The following SNX29 variants were observed in gnomAD, a reference collection of about 807,000 sequenced individuals.
SNX29 encodes the protein sorting nexin 29.
SNX29 carries 78 observed loss-of-function variants against 102.1 expected under a neutral mutation model. That is an observed-to-expected ratio of 0.76 (90% CI 0.64 to 0.92). SNX29 has a LOEUF of 0.92. Among genes scored for constraint, SNX29 ranks in the 40% least tolerant of loss-of-function variants. The pLI, the probability that SNX29 is intolerant of heterozygous loss-of-function variation, is 0.00. For synonymous variants in SNX29, 580 were observed against 414.5 expected (o/e 1.40, Z -4.85); for missense variants, 1,280 against 1,061.7 (o/e 1.21, Z -2.86).
At chr16:12,293,116 T>A (rs1217053425) in intron 15 of SNX29, among the ~76,000 whole-genome samples, 1 of 152,244 alleles carries the variant, frequency 6.6e-6, no homozygotes, top group Non-Finnish European at 1.5e-5. Flanking sequence ...ACTATACATA[T>A]ATTTTCAAAG....
intron 15 of SNX29, among the ~76,000 whole-genome samples, chr16:12,330,775 G>T (rs209835): frequency 0.4 from 60,293 of 152,062 alleles, 13,715 homozygotes; most frequent in Non-Finnish European, 0.54. Context: ...TTTAGGCCTG[G>T]ATTCTATTTG....
intron 19 of SNX29, among the ~76,000 whole-genome samples, chr16:12,501,106 C>T (rs534480096): frequency 6.6e-6 from 1 of 152,168 alleles, no homozygotes; most frequent in South Asian, 2.1e-4. Context: ...ATGGGCTCTT[C>T]ATTCAGATTT....
intron 20 of SNX29, among the ~76,000 whole-genome samples, chr16:12,533,102 A>G (rs945144290): frequency 2.0e-5 from 3 of 152,188 alleles, no homozygotes; most frequent in African/African-American, 7.2e-5. Flanking sequence ...CCGGGGAGGG[A>G]CAGGTTCAAC....
intron 1 of SNX29, among the ~76,000 whole-genome samples, 177 bp from the exon 2 acceptor site, chr16:11,999,120 G>T (rs775898104): frequency 6.6e-6 from 1 of 152,192 alleles, no homozygotes; most frequent in Non-Finnish European, 1.5e-5. Context: ...AATTAGTTTA[G>T]CTGTTTTCCT....
chr16:12,117,185 C>T (rs971813159), intron 11 of SNX29, among the ~76,000 whole-genome samples: 2 of 145,608 alleles, frequency 1.4e-5, no homozygotes, highest in Non-Finnish European at 3.0e-5. Context: ...ACGGTCAATA[C>T]GTGCTTCAAC....
chr16:12,394,846 C>T (rs964921068), intron 16 of SNX29, among the ~76,000 whole-genome samples: 1 of 152,182 alleles, frequency 6.6e-6, no homozygotes, highest in Non-Finnish European at 1.5e-5. Flanking sequence ...CCCATGAAAT[C>T]GGAAGCACAC....
intron 11 of SNX29, among the ~76,000 whole-genome samples, chr16:12,106,009 G>A (rs1204449305): frequency 6.6e-6 from 1 of 152,190 alleles, no homozygotes; most frequent in Non-Finnish European, 1.5e-5. Flanking sequence ...ATAAGCCTCA[G>A]CCGTGGCTCC....
At chr16:12,554,249 G>A (rs565089619) in intron 20 of SNX29, among the ~76,000 whole-genome samples, 213 of 152,316 alleles carry the variant, frequency 1.4e-3, no homozygotes, top group Non-Finnish European at 8.1e-4. Flanking sequence ...CGGCTGCATC[G>A]TCTCTGCCTT....
chr16:12,009,193 G>T (rs1042296599), intron 3 of SNX29, among the ~76,000 whole-genome samples: 15 of 152,060 alleles, frequency 9.9e-5, no homozygotes, highest in African/African-American at 3.6e-4. Flanking sequence ...AGACAAATAA[G>T]TAAATAATAG....
chr16:12,450,715 G>C (rs1368193982), intron 18 of SNX29, among the ~76,000 whole-genome samples: 1 of 152,218 alleles, frequency 6.6e-6, no homozygotes, highest in African/African-American at 2.4e-5. Context: ...TTGCTGAAGA[G>C]CTTGGGCATT....
Position 12,563,844 on chromosome 16 carries a change from C to T in SNX29, c.2319-4662C>T, listed in dbSNP as rs565873161. 2.0e-4 allele frequency among the ~76,000 whole-genome samples: 31 copies of T among 152,340 alleles called. 1 individual carries two copies. The highest frequency in any genetic ancestry group is 1.9e-3 in the South Asian group (9 of 4,830). ...ATTTATTCAGGCTGCCTGTAAATAT[C>T]CCTGCTGAATAGCCATCTCTCCCCA... On this transcript the variant is annotated intron_variant, in intron 20 of 20. Coordinates refer to ENST00000566228, the MANE Select transcript of SNX29 (RefSeq NM_032167.5).
At chr16:12,512,713 C>T (rs1055907721) in intron 19 of SNX29, among the ~76,000 whole-genome samples, 4 of 152,032 alleles carry the variant, frequency 2.6e-5, no homozygotes, top group African/African-American at 4.8e-5. Context: ...ATAGACCGTC[C>T]GTGCTTTCAG....
At chr16:12,275,848 A>G (rs913568676) in intron 14 of SNX29, among the ~76,000 whole-genome samples, 8 of 142,016 alleles carry the variant, frequency 5.6e-5, no homozygotes, top group Non-Finnish European at 1.1e-4. Flanking sequence ...TACTTACCAT[A>G]TTCATCATCA....
intron 20 of SNX29, among the ~76,000 whole-genome samples, chr16:12,553,042 C>T (rs1368777426): frequency 6.6e-6 from 1 of 152,218 alleles, no homozygotes; most frequent in Admixed American, 6.5e-5. Context: ...GCTGGGGACA[C>T]TAATTGGAGA....
chr16:12,396,941 C>G (rs1367710042), intron 16 of SNX29, among the ~76,000 whole-genome samples: 2 of 152,230 alleles, frequency 1.3e-5, no homozygotes, highest in South Asian at 2.1e-4. Flanking sequence ...GGGTCATGCT[C>G]TGTCACCCAG....
At position 12,569,861 on chromosome 16, in the gene SNX29, G is replaced by C; in HGVS notation, c.*1232G>C. 1 of 231,248 alleles carries C rather than the reference G, an allele frequency of 4.3e-6. No individual in the cohort carries two copies. The highest frequency in any genetic ancestry group is 8.6e-6 in the Non-Finnish European group (1 of 116,776). 14.3% of individuals were successfully genotyped at this position (231,248 alleles called of 1,614,324 possible). On this transcript the variant is annotated 3_prime_UTR_variant, in exon 21 of 21. Transcript: ENST00000566228. ...CTAACTAGGAAGGATGTCGTGAAAT[G>C]GACTATGCAAGAGTAAGTTTGTGTG...
chr16:12,558,176 C>T (rs890076591), intron 20 of SNX29, among the ~76,000 whole-genome samples: 6 of 152,154 alleles, frequency 3.9e-5, no homozygotes, highest in East Asian at 3.9e-4. Flanking sequence ...TAATGCATCT[C>T]AGTTTTTAAT....
chr16:12,429,248 A>G (rs916869276), intron 18 of SNX29, among the ~76,000 whole-genome samples: 1 of 152,246 alleles, frequency 6.6e-6, no homozygotes, highest in East Asian at 1.9e-4. Flanking sequence ...TATGATTACA[A>G]TTAATATCTC....
intron 20 of SNX29, among the ~76,000 whole-genome samples, chr16:12,535,909 G>GAAGA (rs1248678046): frequency 6.6e-6 from 1 of 152,160 alleles, no homozygotes; most frequent in Non-Finnish European, 1.5e-5. Flanking sequence ...GAGGTTAATT[G>GAAGA]AAGAAAGGGC....
Sources: gnomAD v4.1 joint callset for allele counts (sites outside exome capture counted in the v4.1 genomes callset) on GRCh38, gnomAD v4.1.1 for gene constraint, MANE v1.5 for transcripts, NCBI Gene and HGNC (gene_info 2026-07-23, HGNC 2026-07-21) for gene names.